Variants in PLCB1 observed in about 807,000 individuals in gnomAD.
PLCB1 encodes 1-phosphatidylinositol 4,5-bisphosphate phosphodiesterase beta-1.
A neutral mutation model predicts 161.8 loss-of-function variants in PLCB1; 46 were observed. That is an observed-to-expected ratio of 0.28 (90% CI 0.22 to 0.36). The LOEUF (loss-of-function observed/expected upper bound fraction) is 0.36, where lower values mean the gene tolerates loss of function less well. Ranked by LOEUF, PLCB1 falls within the 10% of genes least tolerant of loss-of-function variation. PLCB1 has a pLI of 1.00. For missense variants in PLCB1, 1,016 were observed against 1,472.5 expected, an observed-to-expected ratio of 0.69 and a Z score of 5.07; for synonymous variants, 517 against 503.7, an observed-to-expected ratio of 1.03 and a Z score of -0.35.
rs765419130 is a variant in PLCB1, at chr20:8,546,824, C to T, written c.247-81470C>T. ...AAAAAAAAATCACATTTCTGTTTTC[C>T]AAAAAGAGTTTTTTTTAATATCATA... On this transcript the variant is annotated intron_variant, in intron 3 of 31. Coordinates refer to ENST00000338037, the MANE Select transcript of PLCB1 (RefSeq NM_015192.4). Among the ~76,000 whole-genome samples the T allele has an allele frequency of 1.1e-3, 166 of 151,480 alleles. 1 individual carries two copies. Among genetic ancestry groups the T allele is most frequent in the Middle Eastern group, 3.4e-3 (1 of 292 alleles).
chr20:8,327,952 T>C (rs1001568090), intron 2 of PLCB1, among the ~76,000 whole-genome samples: 10 of 152,106 alleles, frequency 6.6e-5, no homozygotes, highest in African/African-American at 2.4e-4. Flanking sequence ...GTAATACACA[T>C]GCTTATATAC....
intron 2 of PLCB1, among the ~76,000 whole-genome samples, chr20:8,253,237 T>C (rs1028729749): frequency 1.2e-4 from 19 of 152,002 alleles, no homozygotes; most frequent in African/African-American, 4.6e-4. Flanking sequence ...TGATAGGAAT[T>C]GGTGGTCAAA....
intron 23 of PLCB1, chr20:8,750,756 AGGCT>A (rs1434097311): frequency 1.1e-6 from 1 of 920,996 alleles, no homozygotes; most frequent in Non-Finnish European, 1.6e-6. Context: ...CTTAAGGGAA[AGGCT>A]GGCTCTAACA....
intron 2 of PLCB1, among the ~76,000 whole-genome samples, chr20:8,166,654 G>T (rs1360678265): frequency 6.6e-6 from 1 of 152,040 alleles, no homozygotes; most frequent in African/African-American, 2.4e-5. Context: ...ACCTGGTCCT[G>T]GTGCCTTATT....
At position 8,189,591 on chromosome 20, in the gene PLCB1, A is replaced by G. The variant is rs184271929; in HGVS notation, c.177+39220A>G. Among the ~76,000 whole-genome samples, 30 of 152,158 alleles carry G rather than the reference A, an allele frequency of 2.0e-4. No homozygotes were observed. The East Asian group carries it at 5.0e-3, about 26-fold the overall frequency. On this transcript the variant is annotated intron_variant, in intron 2 of 31. Coordinates refer to ENST00000338037, the MANE Select transcript of PLCB1 (RefSeq NM_015192.4). ...CTTTTATCTAGTCATAGAAAACACA[A>G]TGAACTTGTGGTTGAATGTACTCAA... is the stretch of plus-strand genomic sequence containing the variant.
intron 3 of PLCB1, among the ~76,000 whole-genome samples, chr20:8,600,285 A>C (rs1987506148): frequency 8.8e-6 from 1 of 113,716 alleles, no homozygotes; most frequent in Admixed American, 8.3e-5. Flanking sequence ...TTTGGTGTGG[A>C]TGTCCTTTCT....
rs1017909282 is a variant in PLCB1, at chr20:8,362,375, A to G, written c.178-9007A>G. ...TCATCATTTGAAAGAAATTACAAAA[A>G]TATATCTCTTAATATAATGTTTCCT... On this transcript the variant is annotated intron_variant, in intron 2 of 31. Coordinates refer to ENST00000338037, the MANE Select transcript of PLCB1 (RefSeq NM_015192.4). Among the ~76,000 whole-genome samples, 5 of 152,210 alleles carry G rather than the reference A, an allele frequency of 3.3e-5. 1 individual carries two copies. Among genetic ancestry groups the G allele is most frequent in the Admixed American group, 1.3e-4 (2 of 15,272 alleles).
chr20:8,729,320 C>A, intron 18 of PLCB1, 146 bp downstream of exon 18: 1 of 569,080 alleles, frequency 1.8e-6, no homozygotes, highest in Non-Finnish European at 2.8e-6. Flanking sequence ...AATATCAATG[C>A]ATAAAAAAAG....
intron 2 of PLCB1, among the ~76,000 whole-genome samples, chr20:8,169,519 A>C (rs1165003965): frequency 3.3e-5 from 5 of 152,154 alleles, no homozygotes; most frequent in Admixed American, 3.3e-4. Context: ...ATTTTAATAT[A>C]TATTGTGTGA....
intron 3 of PLCB1, among the ~76,000 whole-genome samples, chr20:8,391,793 A>G (rs1013724022): frequency 0.044 from 3,278 of 74,966 alleles, 96 homozygotes; most frequent in African/African-American, 0.1. Flanking sequence ...GTGTATATAT[A>G]TATATATATA....
intron 2 of PLCB1, among the ~76,000 whole-genome samples, chr20:8,365,739 A>G (rs550550508): frequency 6.6e-6 from 1 of 152,222 alleles, no homozygotes; most frequent in African/African-American, 2.4e-5. Context: ...GACCAACTTA[A>G]TGACTATACC....
chr20:8,238,873 A>G (rs1428799070), intron 2 of PLCB1, among the ~76,000 whole-genome samples: 1 of 148,306 alleles, frequency 6.7e-6, no homozygotes, highest in Non-Finnish European at 1.5e-5. Context: ...GGCTGGGGGG[A>G]AGACATCAGA....
intron 2 of PLCB1, among the ~76,000 whole-genome samples, chr20:8,240,358 A>G (rs1294765022): frequency 1.3e-5 from 2 of 151,940 alleles, no homozygotes; most frequent in Non-Finnish European, 2.9e-5. Flanking sequence ...TGTTCAATAC[A>G]TAGCATTTTT....
chr20:8,877,474 A>T (rs1464894529), intron 31 of PLCB1, among the ~76,000 whole-genome samples: 2 of 152,228 alleles, frequency 1.3e-5, no homozygotes, highest in Non-Finnish European at 2.9e-5. Context: ...TAATCTGACA[A>T]GCATCAGCTA....
At chr20:8,520,556 G>T (rs1984309298) in intron 3 of PLCB1, among the ~76,000 whole-genome samples, 1 of 151,960 alleles carries the variant, frequency 6.6e-6, no homozygotes, top group South Asian at 2.1e-4. Flanking sequence ...ATGCACAAAT[G>T]TTAAATGTAC....
chr20:8,641,346 A>T lies in PLCB1; in HGVS notation c.385-4756A>T, dbSNP rs937300402. On this transcript the variant is annotated intron_variant, in intron 4 of 31. Transcript: ENST00000338037. ...GATATAAAAATTAATTTCAAAAGAC[A>T]TAAATCATAAAGCATGGAAGTCAGT... Among the ~76,000 whole-genome samples, 3 of 152,260 alleles carry T rather than the reference A, an allele frequency of 2.0e-5. No individual in the cohort carries two copies. The East Asian group carries it at 5.8e-4, about 29-fold the overall frequency.
In PLCB1 at chr20:8,629,963, C is replaced by CTTCTTTCTTTCT. The variant is rs201039269; in HGVS notation, c.384+1569_384+1580dup. ...CTTTCTCTCTTTCTTTTCTTTCTTT[C>CTTCTTTCTTTCT]TTCTTTCTTTCTTTCTTTCTTTCTT... On this transcript the variant is annotated intron_variant, in intron 4 of 31. Transcript: ENST00000338037. Among the ~76,000 whole-genome samples the CTTCTTTCTTTCT allele has an allele frequency of 4.9e-3, 540 of 111,120 alleles. 3 individuals carry two copies. The highest frequency in any genetic ancestry group is 0.012 in the East Asian group (48 of 3,948). The allele number at this position is 111,120 out of a possible 152,430, so 72.9% of individuals were successfully genotyped here. A position where few individuals can be genotyped will look rare whatever the true frequency, so the allele number is the denominator to read the frequency against.
At chr20:8,292,166 GAAGA>G (rs953161063) in intron 2 of PLCB1, among the ~76,000 whole-genome samples, 60 of 152,236 alleles carry the variant, frequency 3.9e-4, no homozygotes, top group African/African-American at 1.4e-3. Flanking sequence ...GAGCCTGACT[GAAGA>G]AAGAAACTTT....
intron 2 of PLCB1, among the ~76,000 whole-genome samples, chr20:8,249,975 C>T (rs1252240535): frequency 6.6e-6 from 1 of 151,908 alleles, no homozygotes; most frequent in African/African-American, 2.4e-5. Flanking sequence ...GAGGCTCAAG[C>T]CTGTTGCCAG....
Sources: gnomAD v4.1 joint callset for allele counts (sites outside exome capture counted in the v4.1 genomes callset) on GRCh38, gnomAD v4.1.1 for gene constraint, MANE v1.5 for transcripts, NCBI Gene and HGNC (gene_info 2026-07-23, HGNC 2026-07-21) for gene names.